The following SLC35D4 variants were observed in gnomAD, a reference collection of about 807,000 sequenced individuals.
SLC35D4 encodes solute carrier family 35 member D4.
At chr18:23,437,489 C>G in the SLC35D4 span, among the ~76,000 whole-genome samples, 1 of 152,080 alleles carries the variant, frequency 6.6e-6, no homozygotes, top group Non-Finnish European at 1.5e-5. Context: ...CTTGCTTTCT[C>G]TTAAAACTAG....
At chr18:23,353,248 A>G in the SLC35D4 span, among the ~76,000 whole-genome samples, 1 of 152,164 alleles carries the variant, frequency 6.6e-6, no homozygotes, top group African/African-American at 2.4e-5. Context: ...ACTCCAAGCT[A>G]GAGAGGCAAG....
At chr18:23,300,971 G>A in the SLC35D4 span, among the ~76,000 whole-genome samples, 1 of 152,236 alleles carries the variant, frequency 6.6e-6, no homozygotes, top group African/African-American at 2.4e-5. Context: ...GACAGAGGAT[G>A]GAGGCTGCAT....
At chr18:23,398,775 TAAC>T in the SLC35D4 span, among the ~76,000 whole-genome samples, 1 of 152,166 alleles carries the variant, frequency 6.6e-6, no homozygotes, top group African/African-American at 2.4e-5. Context: ...GGGGCTAACA[TAAC>T]AACAAGAATT....
At chr18:23,265,502 T>TC in the SLC35D4 span, among the ~76,000 whole-genome samples, 5 of 130,812 alleles carry the variant, frequency 3.8e-5, no homozygotes, top group African/African-American at 1.2e-4. Flanking sequence ...GTAGGAATCG[T>TC]CCCCCCAAAG....
the SLC35D4 span, among the ~76,000 whole-genome samples, chr18:23,312,750 T>C: frequency 6.6e-6 from 1 of 152,140 alleles, no homozygotes. Flanking sequence ...TTGTGAACTC[T>C]TAAGGTCAAA....
At chr18:23,411,216 GA>G in the SLC35D4 span, among the ~76,000 whole-genome samples, 1 of 143,228 alleles carries the variant, frequency 7.0e-6, no homozygotes, top group African/African-American at 2.6e-5. Flanking sequence ...GAAAGAAAGA[GA>G]GGGGAGGGGA....
chr18:23,321,495 C>T, the SLC35D4 span, among the ~76,000 whole-genome samples: 17 of 151,964 alleles, frequency 1.1e-4, no homozygotes, highest in South Asian at 2.3e-3. Flanking sequence ...CTTGCTCTGT[C>T]GCCCAGGCTG....
the SLC35D4 span, among the ~76,000 whole-genome samples, chr18:23,240,297 G>T: frequency 6.6e-6 from 1 of 152,192 alleles, no homozygotes; most frequent in African/African-American, 2.4e-5. Context: ...CCCAAAGTAG[G>T]AAGGGGGTTG....
the SLC35D4 span, chr18:23,399,632 C>T: frequency 6.2e-7 from 1 of 1,613,804 alleles, no homozygotes; most frequent in Non-Finnish European, 8.5e-7. Context: ...CAGGAAGCCA[C>T]ACAAGAACAT....
the SLC35D4 span, among the ~76,000 whole-genome samples, chr18:23,321,810 T>C: frequency 6.6e-6 from 1 of 152,256 alleles, no homozygotes; most frequent in Non-Finnish European, 1.5e-5. Flanking sequence ...TATTAACTCA[T>C]TATGACAATT....
chr18:23,354,499 G>A, the SLC35D4 span, among the ~76,000 whole-genome samples: 11 of 144,738 alleles, frequency 7.6e-5, no homozygotes, highest in African/African-American at 2.3e-4. Flanking sequence ...TAACCTGGGC[G>A]ACAGAGCGAG....
At chr18:23,356,187 C>A in the SLC35D4 span, among the ~76,000 whole-genome samples, 1 of 152,160 alleles carries the variant, frequency 6.6e-6, no homozygotes, top group South Asian at 2.1e-4. This position sits in a 1 kb window ranked among gnomAD's most constrained non-coding sequence, Gnocchi z 4.1. Context: ...CCTTAAGGAG[C>A]AAGAAGGAGG....
chr18:23,292,054 C>G, the SLC35D4 span, among the ~76,000 whole-genome samples: 12 of 152,334 alleles, frequency 7.9e-5, no homozygotes, highest in African/African-American at 2.9e-4. Flanking sequence ...TATCCTATTT[C>G]AATACTTTGT....
chr18:23,298,543 G>C, the SLC35D4 span, among the ~76,000 whole-genome samples: 7 of 152,098 alleles, frequency 4.6e-5, no homozygotes, highest in Non-Finnish European at 7.4e-5. Context: ...AATACAAGTG[G>C]GGAATCATAA....
chr18:23,405,731 T>C, the SLC35D4 span, among the ~76,000 whole-genome samples: 5 of 152,128 alleles, frequency 3.3e-5, no homozygotes, highest in Admixed American at 6.6e-5. Context: ...AGAAAGCCTG[T>C]TGCAATGGCC....
At chr18:23,356,138 C>A in the SLC35D4 span, among the ~76,000 whole-genome samples, 1 of 152,184 alleles carries the variant, frequency 6.6e-6, no homozygotes, top group South Asian at 2.1e-4. The surrounding 1 kb of genome is among the most constrained non-coding windows in gnomAD (Gnocchi z 4.1). Flanking sequence ...ATCTATTTCC[C>A]AGAGTCCTCA....
chr18:23,371,306 G>T, the SLC35D4 span: 17,127 of 771,306 alleles, frequency 0.022, 228 homozygotes, highest in Middle Eastern at 0.048. Flanking sequence ...GGTTGCCCAG[G>T]CTGGTCTTCC....
At chr18:23,432,697 A>T in the SLC35D4 span, among the ~76,000 whole-genome samples, 5 of 150,316 alleles carry the variant, frequency 3.3e-5, no homozygotes, top group Admixed American at 1.3e-4. Context: ...AAAAAAAAAA[A>T]GAAAGAGAAG....
the SLC35D4 span, chr18:23,377,710 A>C: frequency 6.6e-7 from 1 of 1,508,298 alleles, no homozygotes; most frequent in Non-Finnish European, 8.8e-7. Context: ...AGACTTTTAA[A>C]ACTTTTTAAA....
Sources: gnomAD v4.1 joint callset for allele counts (sites outside exome capture counted in the v4.1 genomes callset) on GRCh38, gnomAD v4.1.1 for gene constraint, Gnocchi (gnomAD v3.1) non-coding constraint, MANE v1.5 for transcripts, NCBI Gene and HGNC (gene_info 2026-07-23, HGNC 2026-07-21) for gene names.